Variants in CPNE8 observed in about 807,000 individuals in gnomAD.
The protein encoded by CPNE8 is copine-8.
CPNE8 carries 45 observed loss-of-function variants against 81.5 expected under a neutral mutation model. That is an observed-to-expected ratio of 0.55 (90% confidence interval 0.44 to 0.71). The LOEUF (loss-of-function observed/expected upper bound fraction) is 0.71. Among genes scored for constraint, CPNE8 ranks in the 30% least tolerant of loss-of-function variants. The probability of loss-of-function intolerance (pLI) is 0.00; values close to 1 mark genes in which losing one functional copy is unlikely to be tolerated. For missense variants in CPNE8, 594 were observed against 672.1 expected, an observed-to-expected ratio of 0.88 and a Z score of 1.28; for synonymous variants, 252 against 226.3, an observed-to-expected ratio of 1.11 and a Z score of -1.02.
intron 6 of CPNE8, among the ~76,000 whole-genome samples, chr12:38,811,311 G>A (rs1942930594): frequency 6.6e-6 from 1 of 151,912 alleles, no homozygotes; most frequent in Admixed American, 6.6e-5. Flanking sequence ...ACAGAACAAT[G>A]AGAAAAAGAC....
intron 19 of CPNE8, among the ~76,000 whole-genome samples, chr12:38,656,944 A>G (rs886250871): frequency 1.1e-4 from 17 of 152,126 alleles, no homozygotes; most frequent in African/African-American, 3.4e-4. Context: ...TCTGGTCTGC[A>G]GCTCCCAGCG....
At chr12:38,903,218 C>T (rs1235769649) in intron 1 of CPNE8, among the ~76,000 whole-genome samples, 2 of 152,178 alleles carry the variant, frequency 1.3e-5, no homozygotes, top group African/African-American at 2.4e-5. Flanking sequence ...CTTTTTACCT[C>T]AAACTTATCG....
intron 6 of CPNE8, among the ~76,000 whole-genome samples, chr12:38,794,823 G>T (rs532945951): frequency 6.6e-6 from 1 of 152,272 alleles, no homozygotes; most frequent in Non-Finnish European, 1.5e-5. Flanking sequence ...TTGTTGCTGG[G>T]AGTGTCTGTG....
At chr12:38,896,851 T>A (rs1009709599) in intron 1 of CPNE8, among the ~76,000 whole-genome samples, 2 of 152,072 alleles carry the variant, frequency 1.3e-5, no homozygotes, top group Non-Finnish European at 2.9e-5. Context: ...TGACTATAAA[T>A]TTTTCCAAAG....
chr12:38,799,239 A>G (rs965239056), intron 6 of CPNE8, among the ~76,000 whole-genome samples: 1 of 152,144 alleles, frequency 6.6e-6, no homozygotes, highest in African/African-American at 2.4e-5. Flanking sequence ...AAATCAACAG[A>G]ATATACATTT....
At chr12:38,785,590 C>T (rs1095578) in intron 6 of CPNE8, among the ~76,000 whole-genome samples, 4 of 152,032 alleles carry the variant, frequency 2.6e-5, no homozygotes, top group African/African-American at 7.2e-5. Flanking sequence ...TATGACTTTG[C>T]TAATCATTCA....
At chr12:38,718,172 T>C (rs752685224) in intron 13 of CPNE8, among the ~76,000 whole-genome samples, 7 of 152,166 alleles carry the variant, frequency 4.6e-5, no homozygotes, top group Non-Finnish European at 1.0e-4. Context: ...TCTTTTGCAG[T>C]GTCATCAGAG....
intron 6 of CPNE8, among the ~76,000 whole-genome samples, chr12:38,787,404 T>C (rs539287778): frequency 1.3e-5 from 2 of 150,386 alleles, no homozygotes; most frequent in East Asian, 3.9e-4. Context: ...CTTGAAAAAT[T>C]GATAAGGGAA....
intron 6 of CPNE8, among the ~76,000 whole-genome samples, chr12:38,811,343 C>T (rs867890273): frequency 6.6e-6 from 1 of 151,972 alleles, no homozygotes. Flanking sequence ...AAAAAAAGCT[C>T]GTTGACTAGA....
At chr12:38,666,019 G>A (rs1939050504) in intron 19 of CPNE8, among the ~76,000 whole-genome samples, 1 of 152,106 alleles carries the variant, frequency 6.6e-6, no homozygotes, top group South Asian at 2.1e-4. Context: ...CTGGTAGTTG[G>A]GAGGTCTTCT....
At chr12:38,848,010 G>T (rs191700721) in intron 4 of CPNE8, among the ~76,000 whole-genome samples, 1 of 152,002 alleles carries the variant, frequency 6.6e-6, no homozygotes, top group East Asian at 1.9e-4. Context: ...ATATAAACAG[G>T]CTGACTCTAG....
chr12:38,727,575 G>C (rs1465537054), intron 11 of CPNE8, among the ~76,000 whole-genome samples: 3 of 152,070 alleles, frequency 2.0e-5, no homozygotes, highest in Non-Finnish European at 2.9e-5. Flanking sequence ...ATAGGGCTTG[G>C]GCTTGTCATT....
At chr12:38,844,351 T>C (rs1943519468) in intron 4 of CPNE8, among the ~76,000 whole-genome samples, 1 of 152,158 alleles carries the variant, frequency 6.6e-6, no homozygotes, top group African/African-American at 2.4e-5. Context: ...GTACAGCTAC[T>C]CTACCAATAA....
At chr12:38,759,497 A>C (rs1325640557) in intron 10 of CPNE8, among the ~76,000 whole-genome samples, 1 of 152,230 alleles carries the variant, frequency 6.6e-6, no homozygotes, top group Admixed American at 6.5e-5. Context: ...GAACTAAATA[A>C]TACATTAACC....
chr12:38,663,273 A>G (rs1938997730), intron 19 of CPNE8, among the ~76,000 whole-genome samples: 1 of 151,816 alleles, frequency 6.6e-6, no homozygotes, highest in Non-Finnish European at 1.5e-5. Flanking sequence ...AACAAAAAAC[A>G]AAAACAAAAA....
At chr12:38,880,110 AAC>A (rs1944130520) in intron 1 of CPNE8, among the ~76,000 whole-genome samples, 1 of 152,236 alleles carries the variant, frequency 6.6e-6, no homozygotes, top group Admixed American at 6.5e-5. Context: ...TCATTTTGCA[AAC>A]ACTGTCCAGA....
chr12:38,906,386 C>T, upstream of CPNE8: 1 of 985,506 alleles, frequency 1.0e-6, no homozygotes, highest in Non-Finnish European at 1.2e-6. Flanking sequence ...TTTAAGGAAG[C>T]AATCTGGATT....
At chr12:38,706,639 T>C (rs183760735) in intron 13 of CPNE8, among the ~76,000 whole-genome samples, 1 of 152,316 alleles carries the variant, frequency 6.6e-6, no homozygotes, top group East Asian at 1.9e-4. Flanking sequence ...TTTAAGAATA[T>C]ATGTTTTAGC....
chr12:38,857,804 G>T (rs975843427), intron 3 of CPNE8, among the ~76,000 whole-genome samples: 1 of 152,164 alleles, frequency 6.6e-6, no homozygotes, highest in African/African-American at 2.4e-5. Flanking sequence ...GCTGAGGCAG[G>T]AGAATTGCTT....
Sources: allele counts gnomAD v4.1 joint callset (sites outside exome capture counted in the v4.1 genomes callset), GRCh38; gene constraint gnomAD v4.1.1; transcripts MANE v1.5; gene names NCBI Gene and HGNC (gene_info 2026-07-23, HGNC 2026-07-21).